HIPK3: variants seen among roughly 807,000 people sequenced by gnomAD.
HIPK3 encodes homeodomain interacting protein kinase 3, also known as homeodomain-interacting protein kinase 3.
A neutral mutation model predicts 124.2 loss-of-function variants in HIPK3; 47 were observed. That is an observed-to-expected ratio of 0.38 (90% CI 0.30 to 0.48). The LOEUF (loss-of-function observed/expected upper bound fraction) is 0.48. Among genes scored for constraint, HIPK3 ranks in the 20% least tolerant of loss-of-function variants. HIPK3 has a pLI of 0.98. For synonymous variants in HIPK3, 482 were observed against 515.2 expected, an observed-to-expected ratio of 0.94 and a Z score of 0.87; for missense variants, 1,286 against 1,454.3, an observed-to-expected ratio of 0.88 and a Z score of 1.88.
rs571038647 is a variant in HIPK3, at chr11:33,322,324, A to G, written c.1098-6186A>G. ...ATTACATTCCCAACTTTTTAGTACTACTGTAACATAAAGTTCAATGAAATT... is the reference window on the plus strand; with the variant it reads ...ATTACATTCCCAACTTTTTAGTACTGCTGTAACATAAAGTTCAATGAAATT... On this transcript the variant is annotated intron_variant, in intron 2 of 16. Coordinates refer to ENST00000303296, the MANE Select transcript of HIPK3 (RefSeq NM_005734.5). Among the ~76,000 whole-genome samples, 13 of 152,182 alleles carry G rather than the reference A, an allele frequency of 8.5e-5. No individual in the cohort carries two copies. In the South Asian group the frequency reaches 2.5e-3, roughly 29 times the overall value.
chr11:33,327,379 A>G (rs1438488027), intron 2 of HIPK3, among the ~76,000 whole-genome samples: 1 of 152,234 alleles, frequency 6.6e-6, no homozygotes, highest in African/African-American at 2.4e-5. Context: ...GTAATATGTT[A>G]TACAAAGGTC....
At chr11:33,341,212 CA>C (rs1409005938) in intron 7 of HIPK3, 85 bp downstream of exon 7, 8 of 960,960 alleles carry the variant, frequency 8.3e-6, no homozygotes, top group African/African-American at 5.0e-5. Context: ...AGTTTGGTGT[CA>C]GTTGTTAGAA....
At chr11:33,322,681 C>G (rs1411160481) in intron 2 of HIPK3, among the ~76,000 whole-genome samples, 2 of 152,106 alleles carry the variant, frequency 1.3e-5, no homozygotes, top group African/African-American at 4.8e-5. Context: ...CAAAAATTAG[C>G]CTGGCATGGT....
At chr11:33,343,281 G>GTA (rs1300394763) in intron 8 of HIPK3, among the ~76,000 whole-genome samples, 142 of 150,502 alleles carry the variant, frequency 9.4e-4, no homozygotes, top group African/African-American at 3.4e-3. Flanking sequence ...GTGTGTGTGT[G>GTA]TGTGTGTGTC....
At position 33,257,415 on chromosome 11, in the gene HIPK3, G is replaced by A. The variant is rs1328271305; in HGVS notation, c.-477G>A. 1 of 985,088 alleles carries A rather than the reference G, an allele frequency of 1.0e-6. No individual in the cohort carries two copies. The allele number at this position is 985,088 out of a possible 1,614,324, so 61.0% of individuals were successfully genotyped here. On this transcript the variant is annotated 5_prime_UTR_variant, in exon 1 of 17. Coordinates refer to ENST00000303296, the MANE Select transcript of HIPK3 (RefSeq NM_005734.5). ...TGCCTCAGTGACGACTGCCGGCATC[G>A]CGGCGACCTGAGGAGATCAAGCCGC...
chr11:33,341,983 C>T (rs1039357881), intron 8 of HIPK3, among the ~76,000 whole-genome samples: 6 of 151,470 alleles, frequency 4.0e-5, no homozygotes, highest in African/African-American at 1.2e-4. Flanking sequence ...TGCCTGTAGT[C>T]CCAGCTACTC....
At chr11:33,317,404 G>A (rs1344788434) in intron 2 of HIPK3, among the ~76,000 whole-genome samples, 2 of 151,052 alleles carry the variant, frequency 1.3e-5, no homozygotes, top group Non-Finnish European at 2.9e-5. Context: ...GGGACCACAG[G>A]CACACACCAC....
At chr11:33,257,984 G>C (rs1850712032) in intron 1 of HIPK3, 95 bp downstream of exon 1, 1 of 952,152 alleles carries the variant, frequency 1.1e-6, no homozygotes, top group African/African-American at 1.8e-5. Flanking sequence ...GCCTGACCCG[G>C]GCCTGGCCCG....
In HIPK3 at chr11:33,267,273, C is replaced by T. The variant is rs565630057; in HGVS notation, c.-3+9384C>T. Among the ~76,000 whole-genome samples the T allele has an allele frequency of 4.4e-3, 668 of 151,684 alleles. 8 individuals carry two copies. The highest frequency in any genetic ancestry group is 0.015 in the African/African-American group (638 of 41,370). ...GATTACAGGCAACTGCCACCACGCC[C>T]GGCTAATTTTTGTATTTTTAGTAGA... is the stretch of plus-strand genomic sequence containing the variant. On this transcript the variant is annotated intron_variant, in intron 1 of 16. Coordinates refer to ENST00000303296, the MANE Select transcript of HIPK3 (RefSeq NM_005734.5).
At chr11:33,343,682 G>A (rs778870232) in intron 8 of HIPK3, among the ~76,000 whole-genome samples, 15 of 152,100 alleles carry the variant, frequency 9.9e-5, no homozygotes, top group Non-Finnish European at 1.9e-4. Context: ...TTGTTGACTT[G>A]ATTTGCTGGT....
intron 1 of HIPK3, among the ~76,000 whole-genome samples, 159 bp from the exon 2 acceptor site, chr11:33,286,254 G>GA (rs1180473850): frequency 2.0e-5 from 3 of 151,466 alleles, no homozygotes; most frequent in African/African-American, 7.3e-5. Context: ...TTCTCCAAGG[G>GA]AAAAAATCAT....
intron 2 of HIPK3, among the ~76,000 whole-genome samples, chr11:33,326,195 C>G (rs1276598199): frequency 2.0e-5 from 3 of 152,130 alleles, no homozygotes; most frequent in East Asian, 1.9e-4. Context: ...GGTCTAACTT[C>G]TTGAGTGTAA....
intron 2 of HIPK3, among the ~76,000 whole-genome samples, chr11:33,294,950 A>G (rs1364587554): frequency 1.3e-5 from 2 of 152,114 alleles, no homozygotes; most frequent in Non-Finnish European, 2.9e-5. Context: ...ATCTGGTGAT[A>G]TATCATAATG....
intron 7 of HIPK3, among the ~76,000 whole-genome samples, 162 bp downstream of exon 7, chr11:33,341,289 A>G (rs1853326287): frequency 6.6e-6 from 1 of 152,192 alleles, no homozygotes; most frequent in Non-Finnish European, 1.5e-5. Context: ...CAAGGTAATA[A>G]TTGGAACATA....
chr11:33,348,649 G>A lies in HIPK3; in HGVS notation c.2497G>A (p.Ala833Thr). ...TQDNQNSEGE[A>T]RNCCETSIRQ... ...GGACAATCAGAACTCAGAAGGAGAG[G>A]CAAGAAATTGCTGTGAAACATCTAT... is the stretch of plus-strand genomic sequence containing the variant. Residue 833 changes from alanine (A) to threonine (T), a missense_variant, in exon 13 of 17, where the codon GCA (alanine) becomes ACA (threonine). By Grantham distance (58) the Ala-to-Thr change is moderately conservative. Around this residue, in one of 3 missense-constraint regions of HIPK3, gnomAD observed 810 missense variants for 864.9 expected, o/e 0.94. Coordinates refer to ENST00000303296, the MANE Select transcript of HIPK3 (RefSeq NM_005734.5). 1 of 1,614,160 alleles carries A rather than the reference G, an allele frequency of 6.2e-7. No homozygotes were observed. The highest frequency in any genetic ancestry group is 8.5e-7 in the Non-Finnish European group (1 of 1,180,022).
At chr11:33,270,453 C>T (rs147882543) in intron 1 of HIPK3, among the ~76,000 whole-genome samples, 3 of 152,106 alleles carry the variant, frequency 2.0e-5, no homozygotes, top group East Asian at 1.9e-4. Flanking sequence ...GGATTACAGG[C>T]GCCTGCCACC....
chr11:33,275,649 A>G (rs1462384122), intron 1 of HIPK3, among the ~76,000 whole-genome samples: 1 of 152,210 alleles, frequency 6.6e-6, no homozygotes, highest in African/African-American at 2.4e-5. Context: ...AGAGCCTTGC[A>G]TAGACTGGCA....
In HIPK3 at chr11:33,315,667, C is replaced by T. The variant is rs535369314; in HGVS notation, c.1098-12843C>T. Among the ~76,000 whole-genome samples the T allele has an allele frequency of 2.0e-5, 3 of 152,300 alleles. No individual in the cohort carries two copies. The South Asian group carries it at 6.2e-4, about 32-fold the overall frequency. ...TGTGAGCCACTGTGCCTGGCCCTGACTCCTATTTTTATAAAATATTAGCTA... is the reference window on the plus strand; with the variant it reads ...TGTGAGCCACTGTGCCTGGCCCTGATTCCTATTTTTATAAAATATTAGCTA... On this transcript the variant is annotated intron_variant, in intron 2 of 16. Transcript: ENST00000303296.
intron 15 of HIPK3, 106 bp downstream of exon 15, chr11:33,351,949 C>T: frequency 2.8e-6 from 3 of 1,075,130 alleles, no homozygotes; most frequent in Non-Finnish European, 4.1e-6. Flanking sequence ...TTGACTTGAC[C>T]CTGCCTTATG....
Sources: gnomAD v4.1 joint callset for allele counts (sites outside exome capture counted in the v4.1 genomes callset) on GRCh38, gnomAD v4.1.1 for gene constraint, gnomAD v4.1.1 regional missense constraint, MANE v1.5 for transcripts, NCBI Gene and HGNC (gene_info 2026-07-23, HGNC 2026-07-21) for gene names.